The following FRMPD1 variants were observed in gnomAD, a reference collection of about 807,000 sequenced individuals.
The protein encoded by FRMPD1 is FERM and PDZ domain containing 1, also known as FERM and PDZ domain-containing protein 1.
Under a neutral mutation model 117.8 loss-of-function variants are expected in FRMPD1, and 76 were observed. The ratio of observed to expected loss-of-function variants is 0.65; its 90% CI spans 0.54 to 0.78. The LOEUF is 0.78. Among genes scored for constraint, FRMPD1 ranks in the 30% least tolerant of loss-of-function variants. The pLI, the probability that FRMPD1 is intolerant of heterozygous loss-of-function variation, is 0.00. For missense variants in FRMPD1, 1,786 were observed against 1,964.5 expected (o/e 0.91, Z 1.72); for synonymous variants, 783 against 770.4 (o/e 1.02, Z -0.27).
At chr9:37,647,601 C>T (rs1236573442), upstream of FRMPD1, among the ~76,000 whole-genome samples, 1 of 151,234 alleles carries the variant, frequency 6.6e-6, no homozygotes, top group Non-Finnish European at 1.5e-5. Context: ...TTGATTTATT[C>T]ATTCATTCAA....
the FRMPD1 span, among the ~76,000 whole-genome samples, chr9:37,630,869 C>T: frequency 6.6e-6 from 1 of 152,176 alleles, no homozygotes; most frequent in Non-Finnish European, 1.5e-5. Context: ...TGAATAGCTT[C>T]CTTTAGATAA....
chr9:37,638,024 C>CT, the FRMPD1 span, among the ~76,000 whole-genome samples: 3 of 95,850 alleles, frequency 3.1e-5, no homozygotes, highest in Non-Finnish European at 6.8e-5. Context: ...TTCTTTCTTT[C>CT]TCTCTCTTTC....
chr9:37,730,642 A>G (rs1253954977), intron 8 of FRMPD1, among the ~76,000 whole-genome samples: 1 of 152,200 alleles, frequency 6.6e-6, no homozygotes, highest in Non-Finnish European at 1.5e-5. Context: ...CTATATTATT[A>G]TTTGTGGAAG....
intron 1 of FRMPD1, among the ~76,000 whole-genome samples, chr9:37,674,523 TC>T (rs1207045347): frequency 6.6e-6 from 1 of 152,176 alleles, no homozygotes; most frequent in African/African-American, 2.4e-5. Flanking sequence ...TTTTGGGGTA[TC>T]TTTTCAGCAA....
At chr9:37,699,319 CTCT>C (rs1822448861) in intron 2 of FRMPD1, among the ~76,000 whole-genome samples, 1 of 133,308 alleles carries the variant, frequency 7.5e-6, no homozygotes, top group African/African-American at 2.6e-5. Context: ...CTCTGTCTCT[CTCT>C]TTTTTTTTTT....
chr9:37,740,013 G>A lies in FRMPD1; in HGVS notation c.1550-65G>A, dbSNP rs867692916. ...CTGGCAGGGTTGGGTGGGGGTCAGGGGGCTAGAAGGACACATAGGTAGGAG... is the reference window on the plus strand; with the variant it reads ...CTGGCAGGGTTGGGTGGGGGTCAGGAGGCTAGAAGGACACATAGGTAGGAG... On this transcript the variant is annotated intron_variant, in intron 14 of 15. Transcript: ENST00000377765. This position sits in a 1 kb window ranked among gnomAD's most constrained non-coding sequence, Gnocchi z 4.2. 9.6e-6 allele frequency: 12 copies of A among 1,246,500 alleles called. No individual in the cohort carries two copies. The African/African-American group carries it at 1.3e-4, about 14-fold the overall frequency. 77.2% of individuals were successfully genotyped at this position (1,246,500 alleles called of 1,614,324 possible). A position where few individuals can be genotyped will look rare whatever the true frequency, so the allele number is the denominator to read the frequency against.
chr9:37,634,088 A>G, the FRMPD1 span, among the ~76,000 whole-genome samples: 1 of 152,178 alleles, frequency 6.6e-6, no homozygotes, highest in Non-Finnish European at 1.5e-5. Flanking sequence ...TGCTTATACT[A>G]TTATATATTA....
chr9:37,656,746 A>G (rs4878713), intron 1 of FRMPD1, among the ~76,000 whole-genome samples: 18,653 of 151,940 alleles, frequency 0.12, 1,184 homozygotes, highest in East Asian at 0.18. Context: ...AAGCCGGACT[A>G]GGTGCTTGGC....
At chr9:37,675,120 T>A (rs537039147) in intron 1 of FRMPD1, among the ~76,000 whole-genome samples, 68 of 152,142 alleles carry the variant, frequency 4.5e-4, no homozygotes, top group African/African-American at 1.6e-3. Flanking sequence ...GCTACAATGA[T>A]CCACGTAAGG....
In FRMPD1 at chr9:37,719,180, T is replaced by A. The variant is rs1173791495; in HGVS notation, c.516+4T>A. The A allele has an allele frequency of 6.4e-7, 1 of 1,562,580 alleles. No individual in the cohort carries two copies. Among genetic ancestry groups the A allele is most frequent in the African/African-American group, 1.4e-5 (1 of 73,922 alleles). On this transcript the variant is annotated splice_donor_region_variant and intron_variant, in intron 6 of 15. Transcript: ENST00000377765. ...GCTCATCAGTGGACACAGCCAGGTG[T>A]GTCACTAGTCAAGGGATTGAAATTA...
intron 6 of FRMPD1, among the ~76,000 whole-genome samples, chr9:37,719,717 G>C (rs1823310585): frequency 6.6e-6 from 1 of 152,172 alleles, no homozygotes; most frequent in Non-Finnish European, 1.5e-5. Flanking sequence ...CACATGGTGA[G>C]AAAATGCAGG....
intron 1 of FRMPD1, among the ~76,000 whole-genome samples, chr9:37,657,456 C>G (rs1055150072): frequency 6.6e-6 from 1 of 152,218 alleles, no homozygotes; most frequent in African/African-American, 2.4e-5. Flanking sequence ...TCTGTTCTCT[C>G]TGGCTTTCCC....
chr9:37,673,051 TC>T, intron 1 of FRMPD1, among the ~76,000 whole-genome samples: 1 of 152,186 alleles, frequency 6.6e-6, no homozygotes, highest in East Asian at 1.9e-4. Context: ...TCCCAATAGT[TC>T]CCCAAAGTCT....
intron 5 of FRMPD1, among the ~76,000 whole-genome samples, chr9:37,717,339 A>ATGTG (rs1202375364): frequency 4.5e-4 from 38 of 84,460 alleles, no homozygotes; most frequent in African/African-American, 7.6e-4. Context: ...GTATGTGTAT[A>ATGTG]TATGTGTGTG....
intron 6 of FRMPD1, among the ~76,000 whole-genome samples, chr9:37,723,955 C>T (rs1823506405): frequency 6.6e-6 from 1 of 151,930 alleles, no homozygotes; most frequent in South Asian, 2.1e-4. Context: ...GCCAAGATTG[C>T]ACCACTGCAC....
At chr9:37,721,800 A>G (rs1026165580) in intron 6 of FRMPD1, among the ~76,000 whole-genome samples, 2 of 152,254 alleles carry the variant, frequency 1.3e-5, no homozygotes, top group Non-Finnish European at 2.9e-5. Context: ...ACTCAATAGA[A>G]TATTATAAAT....
chr9:37,724,585 G>A (rs1823543260), intron 7 of FRMPD1, among the ~76,000 whole-genome samples: 1 of 152,088 alleles, frequency 6.6e-6, no homozygotes, highest in African/African-American at 2.4e-5. Context: ...CCAAAGGTCA[G>A]ATTAGAACTC....
At chr9:37,682,207 G>GT (rs1245660111) in intron 1 of FRMPD1, among the ~76,000 whole-genome samples, 1 of 152,214 alleles carries the variant, frequency 6.6e-6, no homozygotes, top group East Asian at 1.9e-4. Flanking sequence ...GTTTGAGGAA[G>GT]TTTTTTAACC....
intron 2 of FRMPD1, among the ~76,000 whole-genome samples, chr9:37,693,437 G>A (rs1822218385): frequency 6.6e-6 from 1 of 152,146 alleles, no homozygotes. Context: ...TCTTCCAAAG[G>A]AACTGGAAAC....
Sources: allele counts gnomAD v4.1 joint callset (sites outside exome capture counted in the v4.1 genomes callset), GRCh38; gene constraint gnomAD v4.1.1; non-coding constraint Gnocchi (gnomAD v3.1); transcripts MANE v1.5; gene names NCBI Gene and HGNC (gene_info 2026-07-23, HGNC 2026-07-21).